The following CSMD1 variants were observed in gnomAD, a reference collection of about 807,000 sequenced individuals.
CSMD1 encodes CUB and sushi domain-containing protein 1.
A neutral mutation model predicts 417.5 loss-of-function variants in CSMD1; 213 were observed. That is an observed-to-expected ratio of 0.51 (90% CI 0.46 to 0.57). The LOEUF (loss-of-function observed/expected upper bound fraction) is 0.57, where lower values mean the gene tolerates loss of function less well. Among genes scored for constraint, CSMD1 ranks in the 20% least tolerant of loss-of-function variants. CSMD1 has a pLI of 0.00. For synonymous variants in CSMD1, 2,862 were observed against 1,736.8 expected, an observed-to-expected ratio of 1.65 and a Z score of -16.11; for missense variants, 6,923 against 4,529.7, an observed-to-expected ratio of 1.53 and a Z score of -15.17.
intron 10 of CSMD1, among the ~76,000 whole-genome samples, chr8:3,554,890 C>G (rs912466178): frequency 6.6e-6 from 1 of 152,094 alleles, no homozygotes; most frequent in Non-Finnish European, 1.5e-5. Context: ...GTGAGAGTGT[C>G]ACTGAAACTC....
chr8:4,443,602 G>A (rs922036575), intron 2 of CSMD1, among the ~76,000 whole-genome samples: 1 of 133,074 alleles, frequency 7.5e-6, no homozygotes, highest in Non-Finnish European at 1.8e-5. Context: ...AAAATATAAA[G>A]AAAACTTCGC....
chr8:3,368,091 T>C (rs1465831700), intron 19 of CSMD1, among the ~76,000 whole-genome samples: 1 of 152,188 alleles, frequency 6.6e-6, no homozygotes, highest in African/African-American at 2.4e-5. Flanking sequence ...AAATTAACTG[T>C]GAACAGATAA....
At chr8:4,841,911 CAAAA>C (rs397757527) in intron 1 of CSMD1, among the ~76,000 whole-genome samples, 21 of 34,844 alleles carry the variant, frequency 6.0e-4, no homozygotes, top group African/African-American at 3.7e-3. Context: ...AACTCCGTCT[CAAAA>C]AAAAAAAAAA....
chr8:4,699,159 C>T (rs1332222473), intron 1 of CSMD1, among the ~76,000 whole-genome samples: 2 of 152,100 alleles, frequency 1.3e-5, no homozygotes, highest in African/African-American at 2.4e-5. Flanking sequence ...CAATTAATTC[C>T]GTGTTTCACT....
intron 5 of CSMD1, among the ~76,000 whole-genome samples, chr8:3,992,046 T>G (rs1232223698): frequency 6.6e-6 from 1 of 151,978 alleles, no homozygotes; most frequent in East Asian, 1.9e-4. Context: ...TGAATAGAGC[T>G]ACAATATCAT....
Position 2,978,812 on chromosome 8 carries a change from A to G in CSMD1, c.8378-12T>C. 6.3e-7 allele frequency: 1 copy of G among 1,583,284 alleles called. No homozygotes were observed. Among genetic ancestry groups the G allele is most frequent in the Non-Finnish European group, 8.6e-7 (1 of 1,165,152 alleles). On this transcript the variant is annotated splice_polypyrimidine_tract_variant and intron_variant, in intron 54 of 69. Transcript: ENST00000635120. ...AGAACAGTTCACCACTAGAAAATAA[A>G]ACATTTCACACACCATTTAGAAACA... is the stretch of plus-strand genomic sequence containing the variant.
intron 5 of CSMD1, among the ~76,000 whole-genome samples, chr8:3,982,726 A>G (rs1181591738): frequency 6.6e-6 from 1 of 152,130 alleles, no homozygotes; most frequent in African/African-American, 2.4e-5. Context: ...AGCACCCGGC[A>G]TCTGTAGGAG....
chr8:3,854,284 T>A (rs1804138561), intron 5 of CSMD1, among the ~76,000 whole-genome samples: 1 of 151,720 alleles, frequency 6.6e-6, no homozygotes, highest in Non-Finnish European at 1.5e-5. Context: ...TCAATAATTC[T>A]TGTAAGGTGA....
At chr8:3,474,473 C>T (rs1817293966) in intron 11 of CSMD1, among the ~76,000 whole-genome samples, 1 of 151,946 alleles carries the variant, frequency 6.6e-6, no homozygotes, top group African/African-American at 2.4e-5. Flanking sequence ...CATCCATCCA[C>T]CAAAAATTTG....
chr8:4,141,045 T>C (rs1168796456), intron 3 of CSMD1, among the ~76,000 whole-genome samples: 1 of 151,284 alleles, frequency 6.6e-6, no homozygotes, highest in African/African-American at 2.5e-5. Flanking sequence ...TTCATCTATT[T>C]AGTTCTAACA....
chr8:4,607,487 A>G (rs552194472), intron 2 of CSMD1, among the ~76,000 whole-genome samples: 1 of 152,286 alleles, frequency 6.6e-6, no homozygotes, highest in East Asian at 1.9e-4. Context: ...CAGAAAACCC[A>G]GGGTGTGTGC....
intron 1 of CSMD1, among the ~76,000 whole-genome samples, chr8:4,922,643 A>C (rs1806572986): frequency 6.6e-6 from 1 of 152,176 alleles, no homozygotes; most frequent in African/African-American, 2.4e-5. Context: ...CATCTTGTCC[A>C]CAGTTCACAT....
intron 2 of CSMD1, among the ~76,000 whole-genome samples, chr8:4,562,125 AG>A (rs1207128426): frequency 2.6e-5 from 4 of 152,312 alleles, no homozygotes; most frequent in Non-Finnish European, 4.4e-5. Flanking sequence ...GTGTAGGAAA[AG>A]CTGCAGGTAT....
chr8:3,605,419 T>A (rs191341275), intron 8 of CSMD1, among the ~76,000 whole-genome samples: 2 of 152,308 alleles, frequency 1.3e-5, no homozygotes, highest in South Asian at 2.1e-4. Flanking sequence ...TGACCTACAA[T>A]GGAGAAATAA....
intron 28 of CSMD1, among the ~76,000 whole-genome samples, chr8:3,220,797 C>G (rs1156761280): frequency 6.6e-6 from 1 of 152,210 alleles, no homozygotes; most frequent in Non-Finnish European, 1.5e-5. Flanking sequence ...CGCCACTGCA[C>G]TCCAGCCTGG....
intron 1 of CSMD1, among the ~76,000 whole-genome samples, chr8:4,935,415 G>C (rs1310533951): frequency 1.3e-5 from 2 of 152,176 alleles, no homozygotes; most frequent in Non-Finnish European, 2.9e-5. Context: ...CTGTGTTGAA[G>C]TTACCGGTTC....
intron 1 of CSMD1, among the ~76,000 whole-genome samples, chr8:4,763,744 C>G (rs569953048): frequency 5.9e-5 from 9 of 152,104 alleles, no homozygotes; most frequent in African/African-American, 2.2e-4. Flanking sequence ...TCTGGAATAC[C>G]ATTTCAAGAG....
At chr8:4,131,405 T>TTAAGG (rs1202582367) in intron 3 of CSMD1, among the ~76,000 whole-genome samples, 7 of 152,272 alleles carry the variant, frequency 4.6e-5, no homozygotes, top group African/African-American at 1.7e-4. Context: ...TTCCTTGAGC[T>TTAAGG]ATTTGTACCA....
intron 5 of CSMD1, among the ~76,000 whole-genome samples, chr8:3,982,234 A>G (rs1216176300): frequency 1.3e-5 from 2 of 150,456 alleles, no homozygotes; most frequent in African/African-American, 2.4e-5. Flanking sequence ...AGAATTAACT[A>G]CAATCTGAGC....
Sources: gnomAD v4.1 joint callset for allele counts (sites outside exome capture counted in the v4.1 genomes callset) on GRCh38, gnomAD v4.1.1 for gene constraint, MANE v1.5 for transcripts, NCBI Gene and HGNC (gene_info 2026-07-23, HGNC 2026-07-21) for gene names.